BRAF: variants seen among roughly 807,000 people sequenced by gnomAD.
The protein encoded by BRAF is serine/threonine-protein kinase B-raf.
In BRAF, 16 loss-of-function variants were observed where a neutral mutation model predicts 104.6. That is an observed-to-expected ratio of 0.15 (90% confidence interval 0.10 to 0.23). The LOEUF (loss-of-function observed/expected upper bound fraction) is 0.23, where lower values mean the gene tolerates loss of function less well. Ranked by LOEUF, BRAF falls within the 10% of genes least tolerant of loss-of-function variation. BRAF has a pLI of 1.00. For synonymous variants in BRAF, 310 were observed against 341.6 expected, an observed-to-expected ratio of 0.91 and a Z score of 1.02; for missense variants, 541 against 937.3, an observed-to-expected ratio of 0.58 and a Z score of 5.52.
downstream of BRAF, among the ~76,000 whole-genome samples, chr7:140,718,354 G>A (rs1163687046): frequency 3.3e-5 from 5 of 152,204 alleles, no homozygotes; most frequent in Admixed American, 6.5e-5. Flanking sequence ...GGGTTCAAGC[G>A]ATTCTCCTGC....
chr7:140,767,928 TTACAG>T (rs1799484339), intron 14 of BRAF, among the ~76,000 whole-genome samples: 1 of 152,132 alleles, frequency 6.6e-6, no homozygotes, highest in African/African-American at 2.4e-5. Context: ...GCTAAATACA[TTACAG>T]TATATTTTAA....
At position 140,904,190 on chromosome 7, in the gene BRAF, C is replaced by T. The variant is rs143720216; in HGVS notation, c.138+20376G>A. ...GAAATCTTTTGTGAAAAGAAGTCAA[C>T]TGATGTCGCAAACCTCACTGTTGTC... On this transcript the variant is annotated intron_variant, in intron 1 of 19. Transcript: ENST00000644969. Among the ~76,000 whole-genome samples the T allele has an allele frequency of 4.5e-4, 68 of 152,320 alleles. No individual in the cohort carries two copies. The East Asian group carries it at 0.012, about 27-fold the overall frequency.
intron 3 of BRAF, among the ~76,000 whole-genome samples, chr7:140,816,507 T>C (rs1053087638): frequency 6.6e-6 from 1 of 152,182 alleles, no homozygotes; most frequent in Admixed American, 6.5e-5. Context: ...TCCATAAACA[T>C]TTCCTGCTTG....
In BRAF at chr7:140,746,374, G is replaced by T. The variant is rs532269723; in HGVS notation, c.2112+2913C>A. ...AAAATGTTAGAATGATAAAGAGAGT[G>T]GGGGGATGACAAAGTGATTTCCCAG... On this transcript the variant is annotated intron_variant, in intron 17 of 19. Coordinates refer to ENST00000644969, the MANE Select transcript of BRAF (RefSeq NM_001374258.1). Among the ~76,000 whole-genome samples, 4 of 152,164 alleles carry T rather than the reference G, an allele frequency of 2.6e-5. No individual in the cohort carries two copies. In the South Asian group the frequency reaches 6.2e-4, roughly 24 times the overall value.
intron 2 of BRAF, among the ~76,000 whole-genome samples, chr7:140,848,984 C>A (rs1349453007): frequency 6.6e-6 from 1 of 152,202 alleles, no homozygotes; most frequent in African/African-American, 2.4e-5. Flanking sequence ...TACTAAGTTA[C>A]AAATTTAGTT....
At chr7:140,856,490 C>A (rs1809795271) in intron 1 of BRAF, among the ~76,000 whole-genome samples, 1 of 152,080 alleles carries the variant, frequency 6.6e-6, no homozygotes, top group Non-Finnish European at 1.5e-5. Context: ...TGAGATAACT[C>A]TGGAAGAACA....
At position 140,722,569 on chromosome 7, in the gene BRAF, A is replaced by G; in HGVS notation, c.*3925T>C. ...TCTCTGGCTATGGTGTTTATAGCCT[A>G]ATGGTTGGAATCTGCTCGTCTCAAG... is the stretch of plus-strand genomic sequence containing the variant. On this transcript the variant is annotated 3_prime_UTR_variant, in exon 20 of 20. Transcript: ENST00000644969. 1 of 1,055,534 alleles carries G rather than the reference A, an allele frequency of 9.5e-7. No homozygotes were observed. The highest frequency in any genetic ancestry group is 4.6e-5 in the South Asian group (1 of 21,878). The allele number at this position is 1,055,534 out of a possible 1,614,324, so 65.4% of individuals were successfully genotyped here. A position where few individuals can be genotyped will look rare whatever the true frequency, so the allele number is the denominator to read the frequency against.
At chr7:140,765,556 A>G (rs1206572282) in intron 14 of BRAF, among the ~76,000 whole-genome samples, 1 of 152,126 alleles carries the variant, frequency 6.6e-6, no homozygotes, top group Non-Finnish European at 1.5e-5. Context: ...CTCATCTGAC[A>G]AAGGGCTAAT....
chr7:140,725,923 T>C lies in BRAF; in HGVS notation c.*571A>G. ...CAGCCTCCATTTAAATAAAATAGTT[T>C]CCTTTTGATAAAATCTGTCAAGGCC... is the stretch of plus-strand genomic sequence containing the variant. On this transcript the variant is annotated 3_prime_UTR_variant, in exon 20 of 20. Coordinates refer to ENST00000644969, the MANE Select transcript of BRAF (RefSeq NM_001374258.1). 1 of 1,063,176 alleles carries C rather than the reference T, an allele frequency of 9.4e-7. No individual in the cohort carries two copies. The highest frequency in any genetic ancestry group is 1.6e-5 in the African/African-American group (1 of 61,034). The allele number at this position is 1,063,176 out of a possible 1,614,324, so 65.9% of individuals were successfully genotyped here. A position where few individuals can be genotyped will look rare whatever the true frequency, so the allele number is the denominator to read the frequency against.
At chr7:140,717,331 A>C (rs1426008912), downstream of BRAF, among the ~76,000 whole-genome samples, 1 of 151,980 alleles carries the variant, frequency 6.6e-6, no homozygotes, top group Admixed American at 6.6e-5. Context: ...CCCAGGCTGC[A>C]GTGCAGTGGT....
At chr7:140,915,766 C>G (rs953295715) in intron 1 of BRAF, among the ~76,000 whole-genome samples, 1 of 151,702 alleles carries the variant, frequency 6.6e-6, no homozygotes, top group East Asian at 1.9e-4. Context: ...GATATCCACA[C>G]TTCTTTACTT....
chr7:140,854,758 AACACG>A (rs1809580900), intron 1 of BRAF, among the ~76,000 whole-genome samples: 1 of 152,096 alleles, frequency 6.6e-6, no homozygotes, highest in African/African-American at 2.4e-5. Flanking sequence ...CCAGCTGGCC[AACACG>A]GTGAAACCCC....
At chr7:140,771,581 C>T (rs2129014823) in intron 14 of BRAF, among the ~76,000 whole-genome samples, 1 of 152,276 alleles carries the variant, frequency 6.6e-6, no homozygotes, top group East Asian at 1.9e-4. Context: ...TCCTATTCTG[C>T]TTATATCCAG....
intron 7 of BRAF, among the ~76,000 whole-genome samples, chr7:140,795,028 T>C (rs1293772314): frequency 1.3e-5 from 2 of 152,096 alleles, no homozygotes; most frequent in Non-Finnish European, 2.9e-5. Context: ...TGCCAATATC[T>C]CTCATATTCT....
chr7:140,807,872 A>G (rs1056794738), intron 5 of BRAF, 88 bp downstream of exon 5: 3 of 1,021,958 alleles, frequency 2.9e-6, no homozygotes, highest in African/African-American at 3.2e-5. Flanking sequence ...AAAATTACTC[A>G]TCCATATTTC....
At chr7:140,715,346 ATGAAG>A (rs1261609864), downstream of BRAF, among the ~76,000 whole-genome samples, 1 of 151,940 alleles carries the variant, frequency 6.6e-6, no homozygotes, top group Non-Finnish European at 1.5e-5. Flanking sequence ...GCCTGAGCTG[ATGAAG>A]TGATGTTTAA....
intron 1 of BRAF, among the ~76,000 whole-genome samples, chr7:140,853,844 G>A (rs1345029164): frequency 2.0e-5 from 3 of 152,038 alleles, no homozygotes; most frequent in African/African-American, 7.2e-5. Context: ...ATTGGTGTGT[G>A]TCTTCCCACT....
chr7:140,783,227 G>A, intron 10 of BRAF, 70 bp from the exon 10 acceptor site: 8 of 1,567,740 alleles, frequency 5.1e-6, no homozygotes, highest in Admixed American at 1.7e-5. Context: ...GGGGTAGAAG[G>A]TTGGGGGATA....
At chr7:140,833,311 G>A (rs2129061370) in intron 3 of BRAF, among the ~76,000 whole-genome samples, 1 of 152,314 alleles carries the variant, frequency 6.6e-6, no homozygotes, top group South Asian at 2.1e-4. Flanking sequence ...ACAATACCGT[G>A]ATGAAGAGAA....
Sources: gnomAD v4.1 joint callset for allele counts (sites outside exome capture counted in the v4.1 genomes callset) on GRCh38, gnomAD v4.1.1 for gene constraint, MANE v1.5 for transcripts, NCBI Gene and HGNC (gene_info 2026-07-23, HGNC 2026-07-21) for gene names.